Variants in PCDH15 observed in about 807,000 individuals in gnomAD.
The protein encoded by PCDH15 is protocadherin-15.
PCDH15 carries 129 observed loss-of-function variants against 178.5 expected under a neutral mutation model. The ratio of observed to expected loss-of-function variants is 0.72; its 90% CI spans 0.63 to 0.84. The LOEUF is 0.84. PCDH15 is among the 40% of genes least tolerant of loss of function. The pLI, the probability that PCDH15 is intolerant of heterozygous loss-of-function variation, is 0.00. For synonymous variants in PCDH15, 800 were observed against 732.0 expected (o/e 1.09, Z -1.50); for missense variants, 2,230 against 2,099.9 (o/e 1.06, Z -1.21).
chr10:55,137,218 G>T (rs191209520), intron 2 of PCDH15, among the ~76,000 whole-genome samples: 20 of 152,240 alleles, frequency 1.3e-4, no homozygotes, highest in African/African-American at 4.1e-4. Flanking sequence ...ACAACAGACT[G>T]CACATACAAT....
At position 55,442,470 on chromosome 10, in the gene PCDH15, T is replaced by TATATTATATATATAATATATATATA. The variant is rs5785132; in HGVS notation, c.-156+185154_-156+185155insTATATATATATTATATATATAATAT. 3.2e-5 allele frequency among the ~76,000 whole-genome samples: 4 copies of TATATTATATATATAATATATATATA among 124,684 alleles called. No homozygotes were observed. In the East Asian group the frequency reaches 8.0e-4, roughly 25 times the overall value. 81.8% of individuals were successfully genotyped at this position (124,684 alleles called of 152,430 possible). The stretch of plus-strand genomic sequence containing the variant: ...CTTAATTTGATTATATATATATATA[T>TATATTATATATATAATATATATATA]TATATATATATTATATATATATATA... On this transcript the variant is annotated intron_variant, in intron 2 of 5. Coordinates refer to the PCDH15 transcript ENST00000613346.
At chr10:53,906,567 C>A (rs1033124646) in intron 25 of PCDH15, among the ~76,000 whole-genome samples, 1 of 152,002 alleles carries the variant, frequency 6.6e-6, no homozygotes, top group Admixed American at 6.6e-5. Flanking sequence ...AATTTGTTAG[C>A]TTTCTTTGAT....
chr10:53,919,570 G>A (rs183554606), intron 25 of PCDH15, among the ~76,000 whole-genome samples: 1 of 152,224 alleles, frequency 6.6e-6, no homozygotes, highest in Non-Finnish European at 1.5e-5. Flanking sequence ...AATGAGGCTT[G>A]GAGGGATTAA....
intron 14 of PCDH15, among the ~76,000 whole-genome samples, chr10:54,140,013 CTG>C (rs2043244825): frequency 6.6e-6 from 1 of 152,060 alleles, no homozygotes; most frequent in African/African-American, 2.4e-5. Flanking sequence ...TCCTGTTTCT[CTG>C]TGTGTCTATC....
intron 8 of PCDH15, among the ~76,000 whole-genome samples, chr10:54,268,883 G>A (rs373282885): frequency 4.6e-5 from 7 of 151,804 alleles, no homozygotes; most frequent in African/African-American, 1.7e-4. Context: ...GACGAAGAAT[G>A]TCTATGACTT....
intron 1 of PCDH15, among the ~76,000 whole-genome samples, chr10:54,685,937 G>A (rs1329381392): frequency 4.6e-5 from 7 of 151,302 alleles, no homozygotes; most frequent in Non-Finnish European, 7.4e-5. Flanking sequence ...GCGACTCTCT[G>A]TATATAAAAT....
intron 1 of PCDH15, among the ~76,000 whole-genome samples, chr10:54,783,045 A>G (rs895829059): frequency 2.6e-5 from 4 of 152,146 alleles, no homozygotes; most frequent in African/African-American, 7.2e-5. Flanking sequence ...AGTTGCACAG[A>G]TATCAATGGA....
intron 2 of PCDH15, among the ~76,000 whole-genome samples, chr10:55,594,118 C>A (rs1387548385): frequency 9.9e-5 from 15 of 151,818 alleles, no homozygotes; most frequent in Non-Finnish European, 1.9e-4. Context: ...ACATAATTTG[C>A]ACAATATAAG....
At chr10:53,916,080 T>C (rs2083503187) in intron 25 of PCDH15, among the ~76,000 whole-genome samples, 1 of 152,176 alleles carries the variant, frequency 6.6e-6, no homozygotes, top group African/African-American at 2.4e-5. Context: ...AGATAACTTA[T>C]AATACCTAAT....
chr10:53,904,468 C>T (rs369014192), intron 25 of PCDH15, among the ~76,000 whole-genome samples: 16 of 144,108 alleles, frequency 1.1e-4, no homozygotes, highest in East Asian at 2.0e-4. Context: ...TAGAAATAGT[C>T]TTTTTTTTTT....
intron 15 of PCDH15, among the ~76,000 whole-genome samples, chr10:54,097,267 A>C (rs2094717542): frequency 6.6e-6 from 1 of 152,170 alleles, no homozygotes; most frequent in Admixed American, 6.5e-5. Flanking sequence ...CTCTCCTATT[A>C]CTGAATGATT....
chr10:55,332,265 G>A (rs1044618062), intron 2 of PCDH15, among the ~76,000 whole-genome samples: 3 of 151,908 alleles, frequency 2.0e-5, no homozygotes, highest in Non-Finnish European at 4.4e-5. Context: ...ATTAAATAAC[G>A]TTTTCTAGGT....
chr10:54,520,812 C>G lies in PCDH15; in HGVS notation c.157+7000G>C, dbSNP rs1404463763. 4.7e-5 allele frequency among the ~76,000 whole-genome samples: 7 copies of G among 150,476 alleles called. No homozygotes were observed. In the East Asian group the frequency reaches 1.2e-3, roughly 25 times the overall value. ...CACAATAGCAAAGACTTGGAACCAACCCAAATGTCCAACAATGATAGACTG... is the reference window on the plus strand; with the variant it reads ...CACAATAGCAAAGACTTGGAACCAAGCCAAATGTCCAACAATGATAGACTG... On this transcript the variant is annotated intron_variant, in intron 3 of 37. Transcript: ENST00000644397.
At chr10:54,635,926 T>C (rs2093840979) in intron 2 of PCDH15, among the ~76,000 whole-genome samples, 2 of 151,746 alleles carry the variant, frequency 1.3e-5, no homozygotes, top group Admixed American at 1.3e-4. Flanking sequence ...CTGTCATGTG[T>C]CTGCAAAGAA....
intron 2 of PCDH15, among the ~76,000 whole-genome samples, chr10:54,993,481 A>T (rs1449188032): frequency 6.6e-6 from 1 of 152,172 alleles, no homozygotes; most frequent in African/African-American, 2.4e-5. Flanking sequence ...AACATCAGGA[A>T]ATCTTGTAGA....
intron 28 of PCDH15, among the ~76,000 whole-genome samples, chr10:53,844,482 A>G (rs2077850423): frequency 6.6e-6 from 1 of 152,016 alleles, no homozygotes; most frequent in Non-Finnish European, 1.5e-5. Context: ...AAAAATCAAG[A>G]AACAGAAAAT....
intron 3 of PCDH15, among the ~76,000 whole-genome samples, chr10:54,815,516 A>ATGTGAGG (rs1432707776): frequency 6.6e-6 from 1 of 152,132 alleles, no homozygotes; most frequent in Non-Finnish European, 1.5e-5. Context: ...TTAAAACACA[A>ATGTGAGG]TGTGAGGTGG....
intron 15 of PCDH15, among the ~76,000 whole-genome samples, chr10:54,109,471 A>G (rs956181191): frequency 2.0e-5 from 3 of 152,220 alleles, no homozygotes; most frequent in Non-Finnish European, 4.4e-5. Context: ...GTATGCATCC[A>G]CAATGGAGCA....
At chr10:54,749,611 A>C (rs1055801504) in intron 1 of PCDH15, among the ~76,000 whole-genome samples, 1 of 152,172 alleles carries the variant, frequency 6.6e-6, no homozygotes, top group Admixed American at 6.5e-5. Context: ...AATTAGGCAG[A>C]GTAATATAGT....
Sources: allele counts gnomAD v4.1 joint callset (sites outside exome capture counted in the v4.1 genomes callset), GRCh38; gene constraint gnomAD v4.1.1; transcripts MANE v1.5; gene names NCBI Gene and HGNC (gene_info 2026-07-23, HGNC 2026-07-21).